Variants in CAMTA1 observed in about 807,000 individuals in gnomAD.
The protein encoded by CAMTA1 is calmodulin binding transcription activator 1.
A neutral mutation model predicts 170.9 loss-of-function variants in CAMTA1; 27 were observed. That is an observed-to-expected ratio of 0.16 (90% CI 0.12 to 0.22). The LOEUF is 0.22. Among genes scored for constraint, CAMTA1 ranks in the 10% least tolerant of loss-of-function variants. The probability of loss-of-function intolerance (pLI) is 1.00; values close to 1 mark genes in which losing one functional copy is unlikely to be tolerated. For missense variants in CAMTA1, 1,619 were observed against 2,217.2 expected, an observed-to-expected ratio of 0.73 and a Z score of 5.42; for synonymous variants, 833 against 891.5, an observed-to-expected ratio of 0.93 and a Z score of 1.17.
In CAMTA1 at chr1:7,670,961, C is replaced by G; in HGVS notation, c.2703C>G (p.Asn901Lys). Residue 901 changes from asparagine (N) to lysine (K), a missense_variant, in exon 10 of 23, where the codon AAC (asparagine) becomes AAG (lysine). Coordinates refer to ENST00000303635, the MANE Select transcript of CAMTA1 (RefSeq NM_015215.4). ...ITGPWQEASN[N>K]YSCLFDQISV... The stretch of plus-strand genomic sequence containing the variant: ...GCCCGTGGCAAGAAGCCAGCAATAA[C>G]TACAGCTGCCTGTTTGACCAGATCT... 2 of 1,613,810 alleles carry G rather than the reference C, an allele frequency of 1.2e-6. No homozygotes were observed. Among genetic ancestry groups the G allele is most frequent in the Non-Finnish European group, 1.7e-6 (2 of 1,179,938 alleles).
intron 3 of CAMTA1, among the ~76,000 whole-genome samples, chr1:6,977,836 G>A (rs1284158821): frequency 1.3e-5 from 2 of 152,204 alleles, no homozygotes; most frequent in African/African-American, 2.4e-5. Flanking sequence ...CAAGCCAGTA[G>A]TATGTGGTAT....
rs1575333818 is a variant in CAMTA1 at position 7,439,550 on chromosome 1, C to T, written c.439-28280C>T. ...ACCCACCACCCATGCAGGACCAGGG[C>T]TCCCCACTGAGGACCCTCTGAGCTA... On this transcript the variant is annotated intron_variant, in intron 5 of 22. Transcript: ENST00000303635. Among the ~76,000 whole-genome samples the T allele has an allele frequency of 3.3e-5, 5 of 152,330 alleles. No individual in the cohort carries two copies. In the South Asian group the frequency reaches 1.0e-3, roughly 32 times the overall value.
intron 4 of CAMTA1, among the ~76,000 whole-genome samples, chr1:7,157,425 A>G (rs1646961813): frequency 6.6e-6 from 1 of 151,832 alleles, no homozygotes. Flanking sequence ...AGAAGAGCCC[A>G]TTCTTAATCT....
At chr1:7,124,564 T>G (rs934835977) in intron 4 of CAMTA1, among the ~76,000 whole-genome samples, 4 of 152,218 alleles carry the variant, frequency 2.6e-5, no homozygotes, top group African/African-American at 9.6e-5. Flanking sequence ...GACTATAAAG[T>G]CCTTGAAGTC....
At chr1:7,446,557 G>A (rs966718945) in intron 5 of CAMTA1, among the ~76,000 whole-genome samples, 4 of 152,130 alleles carry the variant, frequency 2.6e-5, no homozygotes, top group African/African-American at 9.7e-5. Context: ...CTTGCCTACT[G>A]GGCGAATGAG....
chr1:7,344,390 G>A (rs965353670), intron 5 of CAMTA1, among the ~76,000 whole-genome samples: 3 of 152,202 alleles, frequency 2.0e-5, no homozygotes, highest in African/African-American at 7.2e-5. Flanking sequence ...TGAAGCAAGT[G>A]ACCAAGGCTG....
rs1415841466 is a variant in CAMTA1, at chr1:7,681,380, G to C, written c.2914+3647G>C. 6.6e-6 allele frequency among the ~76,000 whole-genome samples: 1 copy of C among 152,226 alleles called. No individual in the cohort carries two copies. Among genetic ancestry groups the C allele is most frequent in the Non-Finnish European group, 1.5e-5 (1 of 68,030 alleles). On this transcript the variant is annotated intron_variant, in intron 11 of 22. Transcript: ENST00000303635. This position sits in a 1 kb window ranked among gnomAD's most constrained non-coding sequence, Gnocchi z 4.6. ...GAGACCTGAAGCCTGAGCAGGGTTA[G>C]CCCGGGAAGAGGGGGCATCAAGGGT... is the stretch of plus-strand genomic sequence containing the variant.
At chr1:7,047,721 C>CTCT (rs1190535170) in intron 3 of CAMTA1, among the ~76,000 whole-genome samples, 2,007 of 129,412 alleles carry the variant, frequency 0.016, 46 homozygotes, top group African/African-American at 0.063. Flanking sequence ...CTCTCTCTCT[C>CTCT]TTTTTTTTTT....
intron 6 of CAMTA1, among the ~76,000 whole-genome samples, chr1:7,481,900 C>T (rs891431739): frequency 2.6e-5 from 4 of 151,172 alleles, no homozygotes; most frequent in African/African-American, 7.3e-5. Context: ...TCGATGCGTG[C>T]GTCAGTCATA....
intron 11 of CAMTA1, among the ~76,000 whole-genome samples, chr1:7,721,010 T>G (rs1269893733): frequency 6.6e-6 from 1 of 152,214 alleles, no homozygotes; most frequent in East Asian, 1.9e-4. Context: ...CCCCAGAGTT[T>G]GGATGACCTC....
intron 10 of CAMTA1, among the ~76,000 whole-genome samples, chr1:7,675,527 A>T (rs2096109557): frequency 6.6e-6 from 1 of 152,158 alleles, no homozygotes. Flanking sequence ...ATCTTTCCAG[A>T]TGTAAGGAGA....
chr1:7,112,473 T>C (rs1229481767), intron 4 of CAMTA1, among the ~76,000 whole-genome samples: 1 of 152,252 alleles, frequency 6.6e-6, no homozygotes, highest in Non-Finnish European at 1.5e-5. Context: ...CTAAATGAGC[T>C]GCCCAAGGTT....
intron 11 of CAMTA1, among the ~76,000 whole-genome samples, chr1:7,710,619 AAAAG>A (rs1456436234): frequency 2.7e-5 from 4 of 150,896 alleles, no homozygotes; most frequent in Non-Finnish European, 4.4e-5. Context: ...AAAAAAAAAA[AAAAG>A]AATTTATTGA....
At chr1:7,669,019 C>G (rs981841481) in intron 9 of CAMTA1, among the ~76,000 whole-genome samples, 56 of 152,180 alleles carry the variant, frequency 3.7e-4, no homozygotes, top group African/African-American at 1.3e-3. Context: ...CCCGCCACTT[C>G]CACGGAGCTG....
chr1:6,930,297 C>G (rs923904129), intron 3 of CAMTA1, among the ~76,000 whole-genome samples: 9 of 152,144 alleles, frequency 5.9e-5, no homozygotes, highest in African/African-American at 2.2e-4. Flanking sequence ...ACCATGTTCC[C>G]ACCATTGTAC....
chr1:7,517,905 C>G (rs1413368670), intron 6 of CAMTA1, among the ~76,000 whole-genome samples: 1 of 151,922 alleles, frequency 6.6e-6, no homozygotes, highest in East Asian at 1.9e-4. Flanking sequence ...CCTGGAGGAC[C>G]CCTCCTGCAC....
At chr1:7,500,928 G>A (rs2093995413) in intron 6 of CAMTA1, among the ~76,000 whole-genome samples, 1 of 152,120 alleles carries the variant, frequency 6.6e-6, no homozygotes, top group Non-Finnish European at 1.5e-5. Context: ...TGGCAAGAGG[G>A]GTCCCAGGCA....
At chr1:7,201,807 T>C (rs1656756101) in intron 4 of CAMTA1, among the ~76,000 whole-genome samples, 1 of 151,222 alleles carries the variant, frequency 6.6e-6, no homozygotes, top group Non-Finnish European at 1.5e-5. Flanking sequence ...ATCAGATATA[T>C]AATTTGCAAA....
Position 7,685,087 on chromosome 1 carries a change from G to A in CAMTA1, c.2914+7354G>A, listed in dbSNP as rs748385054. Among the ~76,000 whole-genome samples the A allele has an allele frequency of 6.6e-6, 1 of 151,586 alleles. No individual in the cohort carries two copies. The highest frequency in any genetic ancestry group is 2.4e-5 in the African/African-American group (1 of 41,224). ...GCACCGTCCCGTGGTCACAGGTGGC[G>A]TGTTTTGAGGAGTTCGCAGGCACCG... is the stretch of plus-strand genomic sequence containing the variant. On this transcript the variant is annotated intron_variant, in intron 11 of 22. Transcript: ENST00000303635. The surrounding 1 kb of genome is among the most constrained non-coding windows in gnomAD (Gnocchi z 5.7).
Sources: gnomAD v4.1 joint callset for allele counts (sites outside exome capture counted in the v4.1 genomes callset) on GRCh38, gnomAD v4.1.1 for gene constraint, Gnocchi (gnomAD v3.1) non-coding constraint, MANE v1.5 for transcripts, NCBI Gene and HGNC (gene_info 2026-07-23, HGNC 2026-07-21) for gene names.